Variants in KAZN observed in about 807,000 individuals in gnomAD.
The protein encoded by KAZN is kazrin.
Under a neutral mutation model 87.4 loss-of-function variants are expected in KAZN, and 40 were observed. That is an observed-to-expected ratio of 0.46 (90% CI 0.36 to 0.60). The LOEUF is 0.60. Ranked by LOEUF, KAZN falls within the 20% of genes least tolerant of loss-of-function variation. The pLI is 0.00. For synonymous variants in KAZN, 466 were observed against 458.3 expected (o/e 1.02, Z -0.22); for missense variants, 898 against 1,073.9 (o/e 0.84, Z 2.29).
chr1:14,721,552 C>T (rs1269955583), intron 1 of KAZN, among the ~76,000 whole-genome samples: 1 of 152,190 alleles, frequency 6.6e-6, no homozygotes, highest in Non-Finnish European at 1.5e-5. Flanking sequence ...CAGCCTTGTT[C>T]GTGTTCGAGG....
chr1:14,137,162 G>A (rs907850900), intron 1 of KAZN, among the ~76,000 whole-genome samples: 3 of 152,138 alleles, frequency 2.0e-5, no homozygotes, highest in Admixed American at 6.5e-5. Context: ...CCAGAGCTCC[G>A]GGAATGGAGT....
intron 1 of KAZN, among the ~76,000 whole-genome samples, chr1:14,147,667 G>A (rs779125357): frequency 3.3e-5 from 5 of 151,850 alleles, no homozygotes; most frequent in Middle Eastern, 3.2e-3. Flanking sequence ...ATGGCGGCAC[G>A]CACCTGTAGT....
rs374148415 is a variant in KAZN, at chr1:14,544,350, C to CTT, written c.250-54615_250-54614dup. On this transcript the variant is annotated intron_variant, in intron 2 of 16. Transcript: ENST00000636203. ...TTTTTTTCTTTTTCTTTCTTTCTTT[C>CTT]TTTTTTTTTTTTTTTTTTTGGTCTT... Among the ~76,000 whole-genome samples the CTT allele has an allele frequency of 8.9e-3, 875 of 98,122 alleles. 14 individuals carry two copies. Among genetic ancestry groups the CTT allele is most frequent in the Non-Finnish European group, 0.011 (563 of 52,498 alleles). 64.4% of individuals were successfully genotyped at this position (98,122 alleles called of 152,430 possible).
At chr1:14,603,819 G>A (rs539051146) in intron 1 of KAZN, among the ~76,000 whole-genome samples, 1 of 152,306 alleles carries the variant, frequency 6.6e-6, no homozygotes, top group East Asian at 1.9e-4. Context: ...GGCTGCCAGT[G>A]TGTTTGTAGC....
intron 1 of KAZN, among the ~76,000 whole-genome samples, chr1:14,914,215 T>A (rs1272803208): frequency 2.0e-5 from 3 of 152,206 alleles, no homozygotes; most frequent in Non-Finnish European, 4.4e-5. Context: ...GAGATGCTGC[T>A]GCAGCTGATC....
At chr1:14,794,713 T>A (rs1434242303) in intron 1 of KAZN, among the ~76,000 whole-genome samples, 1 of 152,158 alleles carries the variant, frequency 6.6e-6, no homozygotes, top group African/African-American at 2.4e-5. Context: ...ATGGGTGTAA[T>A]GGTTAATACT....
chr1:14,734,471 T>A (rs1643828958), intron 1 of KAZN, among the ~76,000 whole-genome samples: 1 of 151,696 alleles, frequency 6.6e-6, no homozygotes, highest in Admixed American at 6.6e-5. Context: ...GCTCGACTAA[T>A]TTTTTTTTAA....
intron 1 of KAZN, among the ~76,000 whole-genome samples, chr1:14,947,502 A>G (rs555226247): frequency 1.3e-5 from 2 of 152,322 alleles, no homozygotes; most frequent in South Asian, 2.1e-4. Flanking sequence ...GCTGTGCCCA[A>G]TTTCAACTCT....
intron 2 of KAZN, among the ~76,000 whole-genome samples, chr1:14,327,444 C>T (rs1656518091): frequency 6.6e-6 from 1 of 152,102 alleles, no homozygotes; most frequent in Non-Finnish European, 1.5e-5. Flanking sequence ...ATGGCGAATT[C>T]CCTCTCATCC....
intron 2 of KAZN, among the ~76,000 whole-genome samples, chr1:14,379,469 A>C (rs1661190404): frequency 6.6e-6 from 1 of 152,040 alleles, no homozygotes; most frequent in South Asian, 2.1e-4. Context: ...CTTGGCTCTT[A>C]GACAACGTCT....
Position 15,094,949 on chromosome 1 carries a change from G to T in KAZN, c.1547+16G>T. 6.6e-7 allele frequency: 1 copy of T among 1,526,548 alleles called. No homozygotes were observed. The allele number at this position is 1,526,548 out of a possible 1,614,324, so 94.6% of individuals were successfully genotyped here. A position where few individuals can be genotyped will look rare whatever the true frequency, so the allele number is the denominator to read the frequency against. On this transcript the variant is annotated intron_variant, in intron 10 of 14. Coordinates refer to ENST00000376030, the MANE Select transcript of KAZN (RefSeq NM_201628.3). The surrounding 1 kb of genome is among the most constrained non-coding windows in gnomAD (Gnocchi z 4.5). Reference sequence around the variant, plus strand: ...CAGGCCGCAGGTGAGCCCACCACGAGGGGCCCCGGGGGAGGAGAGAAAAAG... The same window carrying T: ...CAGGCCGCAGGTGAGCCCACCACGATGGGCCCCGGGGGAGGAGAGAAAAAG...
chr1:14,590,480 T>C (rs950335048), intron 2 of KAZN, among the ~76,000 whole-genome samples: 3 of 152,168 alleles, frequency 2.0e-5, no homozygotes, highest in African/African-American at 2.4e-5. Flanking sequence ...AACCTTAGAA[T>C]TGGGCACACC....
Position 14,310,949 on chromosome 1 carries a change from A to AG in KAZN, c.249+130361dup, listed in dbSNP as rs558121579. Among the ~76,000 whole-genome samples, 23 of 152,282 alleles carry AG rather than the reference A, an allele frequency of 1.5e-4. No individual in the cohort carries two copies. The South Asian group carries it at 3.1e-3, about 21-fold the overall frequency. On this transcript the variant is annotated intron_variant, in intron 2 of 16. Transcript: ENST00000636203. ...AATGAACTATGTTGGTTTGGACATGAGGGGCGGTGTTTTAGAAGTTCCACT... is the reference window on the plus strand; with the variant it reads ...AATGAACTATGTTGGTTTGGACATGAGGGGGCGGTGTTTTAGAAGTTCCACT...
chr1:14,182,877 C>A (rs1053610316), intron 2 of KAZN, among the ~76,000 whole-genome samples: 1 of 152,120 alleles, frequency 6.6e-6, no homozygotes, highest in African/African-American at 2.4e-5. Context: ...TCCTTTCGTT[C>A]AGTCTGCATT....
intron 2 of KAZN, among the ~76,000 whole-genome samples, chr1:14,373,822 T>C (rs1054167091): frequency 4.6e-5 from 7 of 152,192 alleles, no homozygotes; most frequent in African/African-American, 1.7e-4. Context: ...TCGAGGCTTA[T>C]ATTAAAGATG....
chr1:15,003,005 T>TATAC (rs1553170438), intron 2 of KAZN, among the ~76,000 whole-genome samples: 1 of 131,426 alleles, frequency 7.6e-6, no homozygotes, highest in Non-Finnish European at 1.7e-5. Context: ...AAAATAAACG[T>TATAC]ACACACACAC....
At chr1:14,751,398 A>G (rs571047725) in intron 1 of KAZN, among the ~76,000 whole-genome samples, 1 of 152,274 alleles carries the variant, frequency 6.6e-6, no homozygotes, top group South Asian at 2.1e-4. Flanking sequence ...TTTCATCACC[A>G]TCTAACTTGT....
rs1230595345 is a variant in KAZN at position 15,021,577 on chromosome 1, G to T, written c.419-13172G>T. Among the ~76,000 whole-genome samples, 1 of 152,052 alleles carries T rather than the reference G, an allele frequency of 6.6e-6. No homozygotes were observed. The highest frequency in any genetic ancestry group is 1.5e-5 in the Non-Finnish European group (1 of 68,032). ...AGGCAGTGGGGGCCTGCTTCCCGGG[G>T]CCCTCCGCCCTCCTGGCTTCCAGGT... is the stretch of plus-strand genomic sequence containing the variant. On this transcript the variant is annotated intron_variant, in intron 2 of 14. Coordinates refer to ENST00000376030, the MANE Select transcript of KAZN (RefSeq NM_201628.3). The surrounding 1 kb of genome is among the most constrained non-coding windows in gnomAD (Gnocchi z 4.2).
chr1:14,387,679 C>T (rs532466918), intron 2 of KAZN, among the ~76,000 whole-genome samples: 14 of 152,192 alleles, frequency 9.2e-5, no homozygotes, highest in Middle Eastern at 3.4e-3. Flanking sequence ...GTTCTCAGAT[C>T]TCCAGCTGCG....
Sources: gnomAD v4.1 joint callset for allele counts (sites outside exome capture counted in the v4.1 genomes callset) on GRCh38, gnomAD v4.1.1 for gene constraint, Gnocchi (gnomAD v3.1) non-coding constraint, MANE v1.5 for transcripts, NCBI Gene and HGNC (gene_info 2026-07-23, HGNC 2026-07-21) for gene names.